AKAP6: variants seen among roughly 807,000 people sequenced by gnomAD.
AKAP6 encodes the protein A-kinase anchor protein 6.
A neutral mutation model predicts 188.5 loss-of-function variants in AKAP6; 58 were observed. That is an observed-to-expected ratio of 0.31 (90% CI 0.25 to 0.38). AKAP6 has a LOEUF of 0.38. Among genes scored for constraint, AKAP6 ranks in the 10% least tolerant of loss-of-function variants. AKAP6 has a pLI of 1.00. For missense variants in AKAP6, 2,710 were observed against 2,740.0 expected, an observed-to-expected ratio of 0.99 and a Z score of 0.24; for synonymous variants, 989 against 998.6, an observed-to-expected ratio of 0.99 and a Z score of 0.18.
At chr14:32,394,752 T>C (rs1205403415) in intron 1 of AKAP6, among the ~76,000 whole-genome samples, 1 of 152,136 alleles carries the variant, frequency 6.6e-6, no homozygotes, top group Non-Finnish European at 1.5e-5. Flanking sequence ...AAACATGTAG[T>C]TTTACCGTGA....
Position 32,349,852 on chromosome 14 carries a change from T to C in AKAP6, c.-35+20444T>C, listed in dbSNP as rs182962557. ...TAGATGTGTGTTAGTGAGTATCATGTAGTTCAAGAATGTAAGGAAATGTTC... is the reference window on the plus strand; with the variant it reads ...TAGATGTGTGTTAGTGAGTATCATGCAGTTCAAGAATGTAAGGAAATGTTC... On this transcript the variant is annotated intron_variant, in intron 1 of 13. Coordinates refer to ENST00000280979, the MANE Select transcript of AKAP6 (RefSeq NM_004274.5). Among the ~76,000 whole-genome samples the C allele has an allele frequency of 5.9e-5, 9 of 152,260 alleles. No individual in the cohort carries two copies. In the East Asian group the frequency reaches 1.2e-3, roughly 20 times the overall value.
chr14:32,536,132 T>G (rs1882666887), intron 3 of AKAP6, among the ~76,000 whole-genome samples: 1 of 152,250 alleles, frequency 6.6e-6, no homozygotes, highest in Admixed American at 6.5e-5. Context: ...AATATAATAA[T>G]GATCAAAACA....
intron 9 of AKAP6, among the ~76,000 whole-genome samples, chr14:32,707,982 G>A (rs935836584): frequency 6.6e-6 from 1 of 151,926 alleles, no homozygotes; most frequent in Non-Finnish European, 1.5e-5. Context: ...GACATAAATG[G>A]TACAGAAATC....
chr14:32,719,498 C>G (rs2030411915), intron 9 of AKAP6, among the ~76,000 whole-genome samples: 1 of 152,182 alleles, frequency 6.6e-6, no homozygotes, highest in African/African-American at 2.4e-5. Flanking sequence ...TTCTACTTCT[C>G]ATTTTTCTTC....
intron 7 of AKAP6, among the ~76,000 whole-genome samples, chr14:32,609,886 C>CTG (rs1886282876): frequency 1.2e-5 from 1 of 83,006 alleles, no homozygotes; most frequent in Non-Finnish European, 2.4e-5. Flanking sequence ...CTCTGACACA[C>CTG]ACACACACAC....
Position 32,357,737 on chromosome 14 carries a change from T to C in AKAP6, c.-35+28329T>C, listed in dbSNP as rs61286842. Among the ~76,000 whole-genome samples, 1,189 of 152,336 alleles carry C rather than the reference T, an allele frequency of 7.8e-3. 10 individuals are homozygous for C. The highest frequency in any genetic ancestry group is 0.024 in the African/African-American group (1,015 of 41,570). On this transcript the variant is annotated intron_variant, in intron 1 of 13. Transcript: ENST00000280979. ...TAGGAAATTGTCATAATAGATTGAC[T>C]TAATTGGAATAGGGTACTTTCAACT...
At chr14:32,799,672 T>C (rs946344222) in intron 12 of AKAP6, among the ~76,000 whole-genome samples, 2 of 152,188 alleles carry the variant, frequency 1.3e-5, no homozygotes, top group Non-Finnish European at 2.9e-5. Flanking sequence ...TCGGAGAGCA[T>C]TCGTTGTATG....
rs746965255 is a variant in AKAP6 at position 32,546,900 on chromosome 14, A to T, written c.2247A>T (p.Lys749Asn). 1 of 1,613,978 alleles carries T rather than the reference A, an allele frequency of 6.2e-7. No individual in the cohort carries two copies. Among genetic ancestry groups the T allele is most frequent in the Non-Finnish European group, 8.5e-7 (1 of 1,180,018 alleles). The change falls in exon 4 of 14, where the codon AAA (lysine) becomes AAT (asparagine). Residue 749 changes from lysine to asparagine, a missense_variant. Coordinates refer to ENST00000280979, the MANE Select transcript of AKAP6 (RefSeq NM_004274.5). ...EKSERASSSE[K>N]NESHSATKSA... ...CAGAAAGAGCTTCATCCTCTGAGAAAAATGAGAGCCATTCTGCCACTAAAT... is the reference window on the plus strand; with the variant it reads ...CAGAAAGAGCTTCATCCTCTGAGAATAATGAGAGCCATTCTGCCACTAAAT...
chr14:32,688,393 A>C (rs914769809), intron 8 of AKAP6, among the ~76,000 whole-genome samples: 3 of 152,184 alleles, frequency 2.0e-5, no homozygotes, highest in African/African-American at 4.8e-5. Context: ...AACTTACAAA[A>C]ATATTGACAG....
intron 2 of AKAP6, among the ~76,000 whole-genome samples, chr14:32,460,466 C>T (rs957421032): frequency 4.6e-5 from 7 of 152,112 alleles, no homozygotes; most frequent in Non-Finnish European, 8.8e-5. Context: ...TTGCTTCACC[C>T]GGGAAGTGCA....
At chr14:32,353,697 A>G (rs1887374914) in intron 1 of AKAP6, among the ~76,000 whole-genome samples, 1 of 152,186 alleles carries the variant, frequency 6.6e-6, no homozygotes, top group African/African-American at 2.4e-5. Context: ...ATGATTGTAT[A>G]TCTAGAAAAC....
Position 32,525,037 on chromosome 14 carries a change from G to A in AKAP6, c.325-10517G>A, listed in dbSNP as rs560695987. ...TAAAAAAAATCAGTTCTATGAAGAT[G>A]TCTTGGGGAAGGTATAGATATTCTG... is the stretch of plus-strand genomic sequence containing the variant. On this transcript the variant is annotated intron_variant, in intron 2 of 13. Transcript: ENST00000280979. Among the ~76,000 whole-genome samples the A allele has an allele frequency of 5.9e-5, 9 of 152,304 alleles. No homozygotes were observed. In the South Asian group the frequency reaches 1.9e-3, roughly 32 times the overall value.
At chr14:32,341,111 G>A (rs1381626969) in intron 1 of AKAP6, among the ~76,000 whole-genome samples, 3 of 152,000 alleles carry the variant, frequency 2.0e-5, no homozygotes, top group Non-Finnish European at 2.9e-5. Flanking sequence ...ATAAAGTTTC[G>A]CTTAAACTAA....
At chr14:32,712,040 G>A (rs983160727) in intron 9 of AKAP6, among the ~76,000 whole-genome samples, 5 of 151,850 alleles carry the variant, frequency 3.3e-5, no homozygotes, top group Non-Finnish European at 7.4e-5. Context: ...AATTTCACAG[G>A]CTAAAAGAAC....
chr14:32,545,197 A>C (rs374650169), intron 3 of AKAP6, 33 bp from the exon 4 acceptor site: 14 of 1,584,822 alleles, frequency 8.8e-6, no homozygotes, highest in Non-Finnish European at 1.2e-5. Context: ...TTGATGTTGC[A>C]TTTACTGAAA....
chr14:32,830,568 CATTT>C lies in AKAP6; in HGVS notation c.*767_*770del, dbSNP rs1220389376. 1 of 152,368 alleles carries C rather than the reference CATTT, an allele frequency of 6.6e-6. No individual in the cohort carries two copies. The highest frequency in any genetic ancestry group is 2.4e-5 in the African/African-American group (1 of 41,362). The allele number at this position is 152,368 out of a possible 1,614,324, so 9.4% of individuals were successfully genotyped here. A position where few individuals can be genotyped will look rare whatever the true frequency, so the allele number is the denominator to read the frequency against. On this transcript the variant is annotated 3_prime_UTR_variant, in exon 14 of 14. Coordinates refer to ENST00000280979, the MANE Select transcript of AKAP6 (RefSeq NM_004274.5). ...GTGTGCCTTGCTGTATTTCTTATACCATTTATTAAAAAGCTGCTTTCACGGTAAA... is the reference window on the plus strand; with the variant it reads ...GTGTGCCTTGCTGTATTTCTTATACCATTAAAAAGCTGCTTTCACGGTAAA...
intron 7 of AKAP6, among the ~76,000 whole-genome samples, chr14:32,664,312 C>A (rs1444998285): frequency 1.3e-5 from 2 of 152,016 alleles, no homozygotes; most frequent in African/African-American, 4.8e-5. Context: ...GATACAAATT[C>A]ATGGGAATCA....
intron 1 of AKAP6, among the ~76,000 whole-genome samples, chr14:32,337,730 AC>A (rs1472359806): frequency 3.2e-5 from 3 of 93,284 alleles, no homozygotes; most frequent in African/African-American, 1.2e-4. Context: ...CCCTCCCCCC[AC>A]CCCACAACAG....
chr14:32,563,909 A>G (rs1472241310), intron 4 of AKAP6, among the ~76,000 whole-genome samples: 1 of 152,218 alleles, frequency 6.6e-6, no homozygotes, highest in Non-Finnish European at 1.5e-5. Flanking sequence ...TCACACAACA[A>G]CCTTATGAAT....
Sources: allele counts gnomAD v4.1 joint callset (sites outside exome capture counted in the v4.1 genomes callset), GRCh38; gene constraint gnomAD v4.1.1; transcripts MANE v1.5; gene names NCBI Gene and HGNC (gene_info 2026-07-23, HGNC 2026-07-21).